Variants in CADM2 observed in about 807,000 individuals in gnomAD.
CADM2 encodes the protein immunoglobulin superfamily member 4D.
In CADM2, 12 loss-of-function variants were observed where a neutral mutation model predicts 49.8. That is an observed-to-expected ratio of 0.24 (90% CI 0.15 to 0.39). The LOEUF (loss-of-function observed/expected upper bound fraction) is 0.39, where lower values mean the gene tolerates loss of function less well. Among genes scored for constraint, CADM2 ranks in the 10% least tolerant of loss-of-function variants. The pLI, the probability that CADM2 is intolerant of heterozygous loss-of-function variation, is 1.00. For missense variants in CADM2, 378 were observed against 492.3 expected, an observed-to-expected ratio of 0.77 and a Z score of 2.20; for synonymous variants, 214 against 175.4, an observed-to-expected ratio of 1.22 and a Z score of -1.74.
chr3:85,789,535 A>G (rs1306196673), intron 2 of CADM2, among the ~76,000 whole-genome samples: 14 of 152,120 alleles, frequency 9.2e-5, no homozygotes. Context: ...TTTGCTTTGG[A>G]TTCTTTCACA....
At chr3:86,061,420 A>G (rs73843592) in intron 8 of CADM2, among the ~76,000 whole-genome samples, 2,216 of 152,234 alleles carry the variant, frequency 0.015, 50 homozygotes, top group African/African-American at 0.051. Flanking sequence ...GGTAAGTTAC[A>G]TAAAATTATT....
chr3:86,065,474 G>A (rs1578104105), intron 8 of CADM2, 131 bp from the exon 9 acceptor site: 1 of 818,228 alleles, frequency 1.2e-6, no homozygotes, highest in Non-Finnish European at 1.9e-6. Flanking sequence ...CAGGATGACT[G>A]GTGTAATGCA....
intron 3 of CADM2, among the ~76,000 whole-genome samples, chr3:85,870,566 T>A (rs2075889366): frequency 6.6e-6 from 1 of 152,198 alleles, no homozygotes; most frequent in Admixed American, 6.5e-5. Flanking sequence ...TCCATGATCC[T>A]GCAAAGGACA....
At chr3:85,403,696 A>T (rs538905300) in intron 1 of CADM2, among the ~76,000 whole-genome samples, 1 of 152,138 alleles carries the variant, frequency 6.6e-6, no homozygotes, top group Non-Finnish European at 1.5e-5. Flanking sequence ...ATTTATTTCT[A>T]TTGTTGACAT....
chr3:85,621,441 C>A (rs2063974784), intron 1 of CADM2, among the ~76,000 whole-genome samples: 1 of 152,014 alleles, frequency 6.6e-6, no homozygotes, highest in African/African-American at 2.4e-5. Context: ...ATTCTATCTG[C>A]TAAAAGCAAT....
intron 3 of CADM2, among the ~76,000 whole-genome samples, chr3:85,816,965 C>A (rs2073246550): frequency 6.6e-6 from 1 of 152,096 alleles, no homozygotes; most frequent in African/African-American, 2.4e-5. Flanking sequence ...TTTAGAAATA[C>A]CTACTTCTAA....
intron 2 of CADM2, among the ~76,000 whole-genome samples, chr3:85,728,809 A>G (rs910862067): frequency 1.3e-5 from 2 of 152,194 alleles, no homozygotes; most frequent in East Asian, 3.9e-4. Context: ...TCATTTTGAC[A>G]TCAATTTCCC....
intron 1 of CADM2, among the ~76,000 whole-genome samples, chr3:85,461,944 G>A (rs1242690036): frequency 6.6e-6 from 1 of 152,022 alleles, no homozygotes; most frequent in South Asian, 2.1e-4. Context: ...CCGGACTTTC[G>A]CTGTTTCTGT....
chr3:85,866,250 A>G (rs2075716995), intron 3 of CADM2, among the ~76,000 whole-genome samples: 1 of 152,226 alleles, frequency 6.6e-6, no homozygotes, highest in Non-Finnish European at 1.5e-5. Context: ...AGGTGGCAAG[A>G]GATCAGCATA....
chr3:85,701,168 AG>A, intron 1 of CADM2, among the ~76,000 whole-genome samples: 1 of 152,270 alleles, frequency 6.6e-6, no homozygotes, highest in Non-Finnish European at 1.5e-5. Context: ...AAGAGATAAG[AG>A]GGGAGGTACT....
chr3:85,711,447 A>C (rs574450527), intron 1 of CADM2, among the ~76,000 whole-genome samples: 1 of 152,318 alleles, frequency 6.6e-6, no homozygotes, highest in African/African-American at 2.4e-5. Context: ...AAAATAAAAC[A>C]TTAAGTTTCT....
intron 1 of CADM2, among the ~76,000 whole-genome samples, chr3:85,635,650 A>G (rs2064448721): frequency 6.6e-6 from 1 of 152,176 alleles, no homozygotes; most frequent in East Asian, 1.9e-4. Flanking sequence ...CTAATTTGTT[A>G]TATCATGGGT....
chr3:86,037,445 G>A (rs990889000), intron 8 of CADM2, among the ~76,000 whole-genome samples: 5 of 152,058 alleles, frequency 3.3e-5, no homozygotes, highest in Admixed American at 6.6e-5. Flanking sequence ...AAGAGAGGGG[G>A]GCAGGGCAAG....
chr3:85,899,915 A>C (rs529578353), intron 5 of CADM2, among the ~76,000 whole-genome samples: 4 of 152,178 alleles, frequency 2.6e-5, no homozygotes, highest in South Asian at 4.2e-4. Context: ...GGGGAGCACT[A>C]TGGATGTCTG....
chr3:85,547,575 G>C (rs983994438), intron 1 of CADM2, among the ~76,000 whole-genome samples: 12 of 152,222 alleles, frequency 7.9e-5, no homozygotes, highest in African/African-American at 2.9e-4. Context: ...GTCTTATTCT[G>C]TCACAGATTC....
intron 1 of CADM2, among the ~76,000 whole-genome samples, chr3:85,402,483 A>G (rs1370564860): frequency 2.6e-5 from 4 of 152,140 alleles, no homozygotes; most frequent in African/African-American, 9.6e-5. Context: ...ACTCTGTAGA[A>G]TGTATTGTTC....
chr3:85,899,220 C>A (rs779191960), intron 5 of CADM2, among the ~76,000 whole-genome samples: 1 of 151,650 alleles, frequency 6.6e-6, no homozygotes, highest in South Asian at 2.1e-4. Flanking sequence ...CCCACCTTGG[C>A]CTCCCAGAGT....
intron 5 of CADM2, among the ~76,000 whole-genome samples, chr3:85,893,822 G>T (rs1055030544): frequency 6.6e-5 from 10 of 152,092 alleles, no homozygotes; most frequent in African/African-American, 2.4e-4. Flanking sequence ...AGTTAGAATG[G>T]CGATCATTAA....
chr3:85,298,489 G>A (rs999549357), intron 1 of CADM2, among the ~76,000 whole-genome samples: 8 of 152,044 alleles, frequency 5.3e-5, no homozygotes, highest in Admixed American at 2.0e-4. Context: ...ATTGTAAACT[G>A]GTTTATCTTT....
Sources: allele counts gnomAD v4.1 joint callset (sites outside exome capture counted in the v4.1 genomes callset), GRCh38; gene constraint gnomAD v4.1.1; transcripts MANE v1.5; gene names NCBI Gene and HGNC (gene_info 2026-07-23, HGNC 2026-07-21).